Variants in SLC22A25 observed in about 807,000 individuals in gnomAD.
SLC22A25 encodes MGI:2442751, MGI:2385316, MGI:3042283, MGI:3645714, MGI:3605624, MGI:2442750.
In SLC22A25, 44 loss-of-function variants were observed where a neutral mutation model predicts 45.9. That is an observed-to-expected ratio of 0.96 (90% CI 0.75 to 1.23). The LOEUF (loss-of-function observed/expected upper bound fraction) is 1.23, where lower values mean the gene tolerates loss of function less well. Among genes scored for constraint, SLC22A25 ranks in the 50% most tolerant of loss-of-function variants. The pLI, the probability that SLC22A25 is intolerant of heterozygous loss-of-function variation, is 0.00. For synonymous variants in SLC22A25, 283 were observed against 238.6 expected (o/e 1.19, Z -1.72); for missense variants, 800 against 666.4 (o/e 1.20, Z -2.21).
intron 7 of SLC22A25, among the ~76,000 whole-genome samples, chr11:63,197,987 C>A (rs541697088): frequency 6.6e-6 from 1 of 152,328 alleles, no homozygotes; most frequent in Non-Finnish European, 1.5e-5. Flanking sequence ...CTCATCATCA[C>A]TGGCCATCAG....
chr11:63,173,730 TTC>T (rs1190871782), intron 9 of SLC22A25, among the ~76,000 whole-genome samples: 2 of 152,082 alleles, frequency 1.3e-5, no homozygotes, highest in African/African-American at 4.8e-5. Flanking sequence ...CCATGTACAT[TTC>T]TCTCTCTGTG....
At chr11:63,226,158 G>C (rs1473729659) in intron 5 of SLC22A25, among the ~76,000 whole-genome samples, 1 of 151,998 alleles carries the variant, frequency 6.6e-6, no homozygotes, top group African/African-American at 2.4e-5. Flanking sequence ...TATTTAGTTT[G>C]TTTAGTGAAG....
rs2087531722 is a variant in SLC22A25, at chr11:63,161,398, G to T, written c.*2426C>A. Among the ~76,000 whole-genome samples, 1 of 152,142 alleles carries T rather than the reference G, an allele frequency of 6.6e-6. No individual in the cohort carries two copies. Among genetic ancestry groups the T allele is most frequent in the Non-Finnish European group, 1.5e-5 (1 of 68,016 alleles). Reference sequence around the variant, plus strand: ...TTAGTTTTGAAATGTGAGGACATGAGATTTGGGAGGGGCCAGGGGCAGAAT... The same window carrying T: ...TTAGTTTTGAAATGTGAGGACATGATATTTGGGAGGGGCCAGGGGCAGAAT... On this transcript the variant is annotated 3_prime_UTR_variant, in exon 12 of 12. Transcript: ENST00000306494.
intron 9 of SLC22A25, among the ~76,000 whole-genome samples, chr11:63,174,185 T>C (rs1028831623): frequency 6.6e-6 from 1 of 152,126 alleles, no homozygotes. Flanking sequence ...TTGCTGAGAA[T>C]GAGATGGTTT....
chr11:63,235,080 A>G (rs1276378335), intron 3 of SLC22A25, among the ~76,000 whole-genome samples: 2 of 151,622 alleles, frequency 1.3e-5, no homozygotes, highest in South Asian at 4.2e-4. Flanking sequence ...TTTTTCCTTC[A>G]TTTCTTCGTT....
intron 7 of SLC22A25, among the ~76,000 whole-genome samples, chr11:63,205,888 A>C (rs1284660179): frequency 6.6e-6 from 1 of 152,208 alleles, no homozygotes; most frequent in Non-Finnish European, 1.5e-5. Flanking sequence ...ACATTAGTGC[A>C]AAAATCCTCA....
At position 63,180,755 on chromosome 11, in the gene SLC22A25, C is replaced by T. The variant is rs760047663; in HGVS notation, c.975G>A (p.Lys325=). The T allele has an allele frequency of 4.3e-6, 7 of 1,612,802 alleles. No individual in the cohort carries two copies. Among genetic ancestry groups the T allele is most frequent in the African/African-American group, 2.7e-5 (2 of 74,834 alleles). The change falls in exon 9 of 12, where the codon AAG becomes AAA. Residue 325 remains lysine (K), a synonymous_variant. Transcript: ENST00000306494. ...LTMEVLKSTM[K]QELEAAQKKH... ...TTTTCTGTGCTGCCTCCAGTTCTTG[C>T]TTCATGGTGGATTTCAAAACCTTCA...
At chr11:63,238,296 G>A (rs1023235430) in intron 2 of SLC22A25, among the ~76,000 whole-genome samples, 1 of 152,158 alleles carries the variant, frequency 6.6e-6, no homozygotes, top group Non-Finnish European at 1.5e-5. Flanking sequence ...GCAATCATTT[G>A]TGAACCTTAA....
At chr11:63,186,391 G>A (rs1240838829) in intron 7 of SLC22A25, among the ~76,000 whole-genome samples, 2 of 151,100 alleles carry the variant, frequency 1.3e-5, no homozygotes, top group Admixed American at 1.3e-4. Flanking sequence ...TGTTGGGATT[G>A]TTTGTTTTTT....
intron 7 of SLC22A25, among the ~76,000 whole-genome samples, chr11:63,210,287 G>C (rs2089522329): frequency 6.6e-6 from 1 of 151,914 alleles, no homozygotes; most frequent in Non-Finnish European, 1.5e-5. Context: ...AAGAAAGGAA[G>C]AAAGAAAAAC....
In SLC22A25 at chr11:63,164,600, C is replaced by A; in HGVS notation, c.1320G>T (p.Leu440=). The A allele has an allele frequency of 1.9e-6, 3 of 1,613,806 alleles. No individual in the cohort carries two copies. The highest frequency in any genetic ancestry group is 2.5e-6 in the Non-Finnish European group (3 of 1,179,818). The part of the protein sequence containing the change: ...MQTLRVVLAT[L]GVGAASLGIT... Reference sequence around the variant, plus strand: ...TGCCAAGAGAAGCAGCTCCCACACCCAGGGTTGCCAAAACCACACGCAGGG... The same window carrying A: ...TGCCAAGAGAAGCAGCTCCCACACCAAGGGTTGCCAAAACCACACGCAGGG... The change falls in exon 11 of 12, where the codon CTG becomes CTT. Residue 440 remains leucine, a synonymous_variant. Coordinates refer to ENST00000306494, the MANE Select transcript of SLC22A25 (RefSeq NM_199352.6).
rs1409011329 is a variant in SLC22A25, at chr11:63,159,058, C to A, written c.*4766G>T. On this transcript the variant is annotated 3_prime_UTR_variant, in exon 12 of 12. Coordinates refer to ENST00000306494, the MANE Select transcript of SLC22A25 (RefSeq NM_199352.6). ...CACTTAACATAATGATCTCCAGTTC[C>A]ATCCATGTTGCTGCAAATGACAGGA... 6.6e-6 allele frequency among the ~76,000 whole-genome samples: 1 copy of A among 152,162 alleles called. No individual in the cohort carries two copies. The highest frequency in any genetic ancestry group is 1.5e-5 in the Non-Finnish European group (1 of 68,030).
chr11:63,233,857 A>G (rs1282996869), intron 3 of SLC22A25, among the ~76,000 whole-genome samples: 1 of 152,154 alleles, frequency 6.6e-6, no homozygotes, highest in African/African-American at 2.4e-5. Context: ...ATTGGTTTCA[A>G]AGAACATCTT....
chr11:63,196,139 A>G (rs537297756), intron 7 of SLC22A25, among the ~76,000 whole-genome samples: 277 of 152,314 alleles, frequency 1.8e-3, no homozygotes, highest in Non-Finnish European at 3.4e-3. Context: ...AAAGTCCAGG[A>G]CCAGACTGAT....
chr11:63,186,079 A>G (rs1280102129), intron 7 of SLC22A25, among the ~76,000 whole-genome samples: 9 of 151,040 alleles, frequency 6.0e-5, no homozygotes, highest in Non-Finnish European at 1.2e-4. Flanking sequence ...TGGCTGGGTC[A>G]AATGGTATTT....
chr11:63,181,900 A>C (rs941269398), intron 8 of SLC22A25, among the ~76,000 whole-genome samples: 2 of 152,020 alleles, frequency 1.3e-5, no homozygotes, highest in African/African-American at 4.8e-5. Flanking sequence ...TTTGATCTCC[A>C]TGTTTCTGAA....
At chr11:63,237,205 G>A (rs1369818877) in intron 3 of SLC22A25, among the ~76,000 whole-genome samples, 4 of 152,134 alleles carry the variant, frequency 2.6e-5, no homozygotes, top group African/African-American at 7.2e-5. Context: ...AGGAAGGAGG[G>A]AGGAAAGGTA....
At chr11:63,221,821 G>A (rs184825943) in intron 5 of SLC22A25, among the ~76,000 whole-genome samples, 2 of 152,130 alleles carry the variant, frequency 1.3e-5, no homozygotes, top group East Asian at 1.9e-4. Context: ...GCCAAAGATA[G>A]GGGTCTAATT....
chr11:63,184,046 C>A (rs1565077536), intron 7 of SLC22A25, among the ~76,000 whole-genome samples: 1 of 152,050 alleles, frequency 6.6e-6, no homozygotes, highest in Admixed American at 6.6e-5. Flanking sequence ...ATATTGGCAT[C>A]CCTCTTATTC....
Sources: allele counts gnomAD v4.1 joint callset (sites outside exome capture counted in the v4.1 genomes callset), GRCh38; gene constraint gnomAD v4.1.1; transcripts MANE v1.5; gene names NCBI Gene and HGNC (gene_info 2026-07-23, HGNC 2026-07-21).